NLRC5: variants seen among roughly 807,000 people sequenced by gnomAD.
NLRC5 encodes the protein protein NLRC5.
A neutral mutation model predicts 206.9 loss-of-function variants in NLRC5; 114 were observed. The ratio of observed to expected loss-of-function variants is 0.55; its 90% CI spans 0.47 to 0.64. The LOEUF (loss-of-function observed/expected upper bound fraction) is 0.64, where lower values mean the gene tolerates loss of function less well. NLRC5 is among the 30% of genes least tolerant of loss of function. The pLI is 0.00. For missense variants in NLRC5, 2,008 were observed against 2,305.5 expected (o/e 0.87, Z 2.64); for synonymous variants, 952 against 962.8 (o/e 0.99, Z 0.21).
chr16:57,040,822 G>A, intron 17 of NLRC5, 104 bp downstream of exon 17: 1 of 1,109,078 alleles, frequency 9.0e-7, no homozygotes, highest in Non-Finnish European at 1.3e-6. Flanking sequence ...GCTCCCTGAA[G>A]GACACCTGAC....
intron 2 of NLRC5, among the ~76,000 whole-genome samples, chr16:57,018,524 C>A (rs2060321164): frequency 6.6e-6 from 1 of 152,054 alleles, no homozygotes; most frequent in South Asian, 2.1e-4. Flanking sequence ...TGCTATTAGC[C>A]CAGTTGAGGA....
intron 1 of NLRC5, among the ~76,000 whole-genome samples, chr16:56,995,168 G>A (rs576920926): frequency 6.6e-5 from 10 of 152,260 alleles, no homozygotes; most frequent in Admixed American, 4.6e-4. Flanking sequence ...GGGAGACTCG[G>A]TCTCAAAAAA....
chr16:57,033,474 T>C (rs554367798), intron 11 of NLRC5, 130 bp from the exon 12 acceptor site: 3 of 784,074 alleles, frequency 3.8e-6, no homozygotes, highest in Admixed American at 2.0e-5. Flanking sequence ...CTGCAAGCAG[T>C]CTCCTTTGTT....
chr16:57,024,281 A>G (rs1350036371), intron 5 of NLRC5, among the ~76,000 whole-genome samples: 1 of 152,184 alleles, frequency 6.6e-6, no homozygotes, highest in South Asian at 2.1e-4. Flanking sequence ...ATGGGGAGAC[A>G]TGGAGCTGCT....
At chr16:57,078,094 G>A in intron 43 of NLRC5, 74 bp downstream of exon 43, 4 of 1,243,338 alleles carry the variant, frequency 3.2e-6, no homozygotes, top group Non-Finnish European at 4.4e-6. Flanking sequence ...GGGGGTCCAG[G>A]CCCCCATCAG....
At position 57,041,964 on chromosome 16, in the gene NLRC5, CCTTCTCCCCACCCCCAG is replaced by C; in HGVS notation, c.3030-11_3035del. On this transcript the variant is annotated splice_acceptor_variant and splice_polypyrimidine_tract_variant and intron_variant, in intron 18 of 48. Transcript: ENST00000688547. LOFTEE classifies it high-confidence loss of function. Reference sequence around the variant, plus strand: ...CCCCACCTGCTAATGTTCTCCCCTCCCTTCTCCCCACCCCCAGCTTCTCAGGCAATGCTCTGGGGGAT... The same window carrying C: ...CCCCACCTGCTAATGTTCTCCCCTCCCTTCTCAGGCAATGCTCTGGGGGAT... 4 of 1,547,388 alleles carry C rather than the reference CCTTCTCCCCACCCCCAG, an allele frequency of 2.6e-6. No homozygotes were observed. The highest frequency in any genetic ancestry group is 3.5e-6 in the Non-Finnish European group (4 of 1,150,336).
intron 32 of NLRC5, among the ~76,000 whole-genome samples, chr16:57,063,870 C>T (rs1339220602): frequency 6.6e-6 from 1 of 152,038 alleles, no homozygotes; most frequent in Non-Finnish European, 1.5e-5. Flanking sequence ...TCCAGAGTAG[C>T]TGGGACTACA....
intron 11 of NLRC5, among the ~76,000 whole-genome samples, chr16:57,032,807 G>A (rs2062031127): frequency 7.0e-6 from 1 of 142,866 alleles, no homozygotes; most frequent in Non-Finnish European, 1.5e-5. Flanking sequence ...ACCAGCCTGG[G>A]CAACAAAGTG....
At chr16:57,061,376 G>A in intron 30 of NLRC5, 72 bp from the exon 31 acceptor site, 1 of 1,473,700 alleles carries the variant, frequency 6.8e-7, no homozygotes, top group Non-Finnish European at 9.3e-7. Context: ...GGCCCTCAGG[G>A]AGGCTGAGAT....
rs775216439 is a variant in NLRC5, at chr16:57,036,203, G to T, written c.2711+20G>T. ...GCTGGAGTGAGTTGTCCACCCCACCGCTGGGTACCAGGGAAGGCCCTGTAG... is the reference window on the plus strand; with the variant it reads ...GCTGGAGTGAGTTGTCCACCCCACCTCTGGGTACCAGGGAAGGCCCTGTAG... On this transcript the variant is annotated intron_variant, in intron 14 of 48. Coordinates refer to ENST00000688547, the MANE Select transcript of NLRC5 (RefSeq NM_001384950.1). 1 of 1,609,388 alleles carries T rather than the reference G, an allele frequency of 6.2e-7. No individual in the cohort carries two copies. The highest frequency in any genetic ancestry group is 1.1e-5 in the South Asian group (1 of 90,774).
intron 10 of NLRC5, 80 bp downstream of exon 10, chr16:57,030,164 C>A: frequency 8.6e-7 from 1 of 1,160,210 alleles, no homozygotes; most frequent in Non-Finnish European, 1.3e-6. Context: ...ATGGAGGAGG[C>A]CCCTCGTCTG....
intron 1 of NLRC5, among the ~76,000 whole-genome samples, chr16:57,005,230 T>A (rs176533): frequency 0.32 from 48,952 of 152,136 alleles, 8,120 homozygotes; most frequent in South Asian, 0.38. Flanking sequence ...TAAAAAACTT[T>A]ATGCATTTGA....
chr16:57,004,176 G>A (rs999479010), intron 1 of NLRC5: 1 of 152,550 alleles, frequency 6.6e-6, no homozygotes, highest in Non-Finnish European at 1.5e-5. Context: ...ATGCCGGGGG[G>A]TGGTGAGCAG....
chr16:57,011,621 G>T (rs1255017995), intron 1 of NLRC5, among the ~76,000 whole-genome samples: 1 of 151,686 alleles, frequency 6.6e-6, no homozygotes, highest in African/African-American at 2.4e-5. Context: ...ACTCAGGAGG[G>T]TGAGGCAGGG....
At chr16:57,000,968 T>C (rs1182592083) in intron 1 of NLRC5, among the ~76,000 whole-genome samples, 2 of 152,196 alleles carry the variant, frequency 1.3e-5, no homozygotes, top group Non-Finnish European at 2.9e-5. Flanking sequence ...GGGCCTCAGT[T>C]TCCCCATCTT....
At chr16:57,033,500 G>C (rs2062116385) in intron 11 of NLRC5, 104 bp from the exon 12 acceptor site, 1 of 1,053,034 alleles carries the variant, frequency 9.5e-7, no homozygotes, top group Non-Finnish European at 1.5e-6. Flanking sequence ...CTCACTTTGG[G>C]TTGTGCTTCA....
In NLRC5 at chr16:57,070,659, G is replaced by T. The variant is rs113334697; in HGVS notation, c.4667+41G>T. Reference sequence around the variant, plus strand: ...GGTTGTGGGTGAGTGAGTGGTGGGGGTGGTTAATGGATGGTGGAAGTGGGT... The same window carrying T: ...GGTTGTGGGTGAGTGAGTGGTGGGGTTGGTTAATGGATGGTGGAAGTGGGT... On this transcript the variant is annotated intron_variant, in intron 38 of 48. Transcript: ENST00000688547. The T allele has an allele frequency of 3.0e-4, 464 of 1,528,934 alleles. 6 individuals are homozygous for T. The African/African-American group carries it at 5.4e-3, about 18-fold the overall frequency. 94.7% of individuals were successfully genotyped at this position (1,528,934 alleles called of 1,614,324 possible). A position where few individuals can be genotyped will look rare whatever the true frequency, so the allele number is the denominator to read the frequency against.
chr16:57,078,088 GTCCA>G, intron 43 of NLRC5, 68 bp downstream of exon 43: 6 of 1,336,758 alleles, frequency 4.5e-6, no homozygotes, highest in Non-Finnish European at 5.1e-6. Flanking sequence ...CAGTGGGGGG[GTCCA>G]GGCCCCCATC....
chr16:57,022,274 G>C lies in NLRC5; in HGVS notation c.314G>C (p.Gly105Ala). ...GYDDGFTSQLGAEGKSQPESQ... is the reference protein window; with the variant it reads ...GYDDGFTSQLAAEGKSQPESQ... Reference sequence around the variant, plus strand: ...CTTGCAGGGTTCACCAGCCAGCTGGGAGCTGAGGGGAAAAGCCAACCTGAA... The same window carrying C: ...CTTGCAGGGTTCACCAGCCAGCTGGCAGCTGAGGGGAAAAGCCAACCTGAA... The change falls in exon 4 of 49, where the codon GGA becomes GCA. Residue 105 changes from glycine to alanine, a missense_variant. Physicochemically the swap from Gly to Ala is moderately conservative, Grantham distance 60 (BLOSUM62 0). Coordinates refer to ENST00000688547, the MANE Select transcript of NLRC5 (RefSeq NM_001384950.1). 6.2e-7 allele frequency: 1 copy of C among 1,612,220 alleles called. No individual in the cohort carries two copies. Among genetic ancestry groups the C allele is most frequent in the Non-Finnish European group, 8.5e-7 (1 of 1,178,458 alleles).
Sources: gnomAD v4.1 joint callset for allele counts (sites outside exome capture counted in the v4.1 genomes callset) on GRCh38, gnomAD v4.1.1 for gene constraint, MANE v1.5 for transcripts, NCBI Gene and HGNC (gene_info 2026-07-23, HGNC 2026-07-21) for gene names.